AP4S1: variants seen among roughly 807,000 people sequenced by gnomAD.
AP4S1 encodes AP-4 complex subunit sigma-1.
In AP4S1, 23 loss-of-function variants were observed where a neutral mutation model predicts 19.8. The observed-to-expected ratio is 1.16, with a 90% CI of 0.84 to 1.65. The LOEUF (loss-of-function observed/expected upper bound fraction) is 1.65. Among genes scored for constraint, AP4S1 ranks in the 40% most tolerant of loss-of-function variants. The pLI is 0.00. For synonymous variants in AP4S1, 46 were observed against 54.1 expected (o/e 0.85, Z 0.66); for missense variants, 166 against 172.8 (o/e 0.96, Z 0.22).
intron 5 of AP4S1, chr14:31,084,834 A>G (rs772262664): frequency 6.8e-6 from 11 of 1,614,082 alleles, no homozygotes; most frequent in African/African-American, 1.3e-5. Context: ...GCTTTTCTCC[A>G]GACAGTTCAT....
chr14:31,087,206 T>G (rs1182386935), intron 5 of AP4S1, among the ~76,000 whole-genome samples: 1 of 152,068 alleles, frequency 6.6e-6, no homozygotes, highest in Non-Finnish European at 1.5e-5. Context: ...AACCTCACTT[T>G]TTAGATAAAA....
chr14:31,073,045 A>C, intron 4 of AP4S1, 72 bp downstream of exon 4: 1 of 1,273,220 alleles, frequency 7.9e-7, no homozygotes, highest in Non-Finnish European at 1.1e-6. Context: ...CTTTGGATCT[A>C]TATCAAGAAC....
Position 31,046,795 on chromosome 14 carries a change from G to A in AP4S1, c.-71-19331G>A, listed in dbSNP as rs141911479. Among the ~76,000 whole-genome samples the A allele has an allele frequency of 9.4e-4, 139 of 147,620 alleles. No homozygotes were observed. The East Asian group carries it at 0.016, about 17-fold the overall frequency. On this transcript the variant is annotated intron_variant, in intron 1 of 5. Coordinates refer to ENST00000542754, the MANE Select transcript of AP4S1 (RefSeq NM_001128126.3). ...CAGGAGGTGGAGCTTGCAGTGAGCCGAGATCGTACCACTGCACTCCAGCCT... is the reference window on the plus strand; with the variant it reads ...CAGGAGGTGGAGCTTGCAGTGAGCCAAGATCGTACCACTGCACTCCAGCCT...
At chr14:31,082,773 G>C (rs1003129968) in intron 5 of AP4S1, among the ~76,000 whole-genome samples, 4 of 152,112 alleles carry the variant, frequency 2.6e-5, no homozygotes, top group Non-Finnish European at 1.5e-5. Context: ...GCGGGCGCCT[G>C]TAGTCCCAGC....
chr14:31,085,629 A>G (rs1369898954), intron 5 of AP4S1: 2 of 755,972 alleles, frequency 2.6e-6, no homozygotes, highest in Non-Finnish European at 3.2e-6. Context: ...TTAAAAAGCC[A>G]GGCATTGGTG....
At chr14:31,044,075 T>A (rs1042356206) in intron 1 of AP4S1, among the ~76,000 whole-genome samples, 3 of 152,200 alleles carry the variant, frequency 2.0e-5, no homozygotes, top group Non-Finnish European at 4.4e-5. Context: ...ATAATTTAAC[T>A]CAATGTTTTT....
intron 2 of AP4S1, 59 bp downstream of exon 2, chr14:31,066,393 AT>A (rs1886719176): frequency 6.2e-7 from 1 of 1,605,388 alleles, no homozygotes; most frequent in African/African-American, 1.3e-5. Flanking sequence ...CAGATTTGTT[AT>A]TAGTGAGTCT....
intron 5 of AP4S1, among the ~76,000 whole-genome samples, chr14:31,091,664 C>G (rs1033004251): frequency 6.6e-6 from 1 of 151,916 alleles, no homozygotes; most frequent in Non-Finnish European, 1.5e-5. Flanking sequence ...AGTCATTCAC[C>G]ATTTGTCCTA....
At chr14:31,085,022 C>T in intron 5 of AP4S1, 1 of 1,487,160 alleles carries the variant, frequency 6.7e-7, no homozygotes, top group East Asian at 2.5e-5. Flanking sequence ...TTTAAAGAGG[C>T]CTAAGGACTT....
intron 1 of AP4S1, among the ~76,000 whole-genome samples, chr14:31,053,589 CTTTTTTTTTT>C (rs758966011): frequency 9.8e-5 from 7 of 71,174 alleles, no homozygotes; most frequent in South Asian, 1.4e-3. Flanking sequence ...TGACTTTTTT[CTTTTTTTTTT>C]TTTTTTTTTT....
At chr14:31,076,661 C>T (rs1887373804) in intron 4 of AP4S1, among the ~76,000 whole-genome samples, 1 of 152,272 alleles carries the variant, frequency 6.6e-6, no homozygotes, top group African/African-American at 2.4e-5. Context: ...GTTCTTTTCC[C>T]CCAATGAATT....
At chr14:31,033,632 C>G (rs1884546547) in intron 1 of AP4S1, among the ~76,000 whole-genome samples, 1 of 152,192 alleles carries the variant, frequency 6.6e-6, no homozygotes, top group Non-Finnish European at 1.5e-5. Context: ...GCATGTGTAA[C>G]AGAAAGGAGG....
At chr14:31,074,381 G>A (rs527711378) in intron 4 of AP4S1, among the ~76,000 whole-genome samples, 7 of 140,704 alleles carry the variant, frequency 5.0e-5, no homozygotes, top group Non-Finnish European at 1.1e-4. Context: ...AGCTGGGCGC[G>A]GTGGCTGACG....
chr14:31,032,090 A>AC (rs1407794873), intron 1 of AP4S1, among the ~76,000 whole-genome samples: 3 of 151,206 alleles, frequency 2.0e-5, no homozygotes, highest in Non-Finnish European at 4.4e-5. Context: ...AAAAAAAAAA[A>AC]AGAAAAAAGA....
intron 4 of AP4S1, among the ~76,000 whole-genome samples, chr14:31,079,324 A>G (rs574239075): frequency 4.0e-4 from 61 of 152,300 alleles, no homozygotes; most frequent in Admixed American, 9.2e-4. Flanking sequence ...GCATTTGTCT[A>G]AACCCATGGA....
intron 1 of AP4S1, among the ~76,000 whole-genome samples, chr14:31,053,395 T>C (rs1203266904): frequency 6.6e-6 from 1 of 151,864 alleles, no homozygotes; most frequent in Non-Finnish European, 1.5e-5. Flanking sequence ...AAAGGTCAAG[T>C]CCTGGAATAT....
intron 1 of AP4S1, among the ~76,000 whole-genome samples, chr14:31,031,825 T>C (rs1345431014): frequency 6.6e-6 from 1 of 152,232 alleles, no homozygotes; most frequent in East Asian, 1.9e-4. Context: ...ATCAGTCCTG[T>C]TCATGCCTCC....
intron 1 of AP4S1, among the ~76,000 whole-genome samples, chr14:31,046,327 C>G (rs1039140192): frequency 2.6e-5 from 4 of 152,126 alleles, no homozygotes; most frequent in Middle Eastern, 3.2e-3. Context: ...CACTAATCTA[C>G]TTTCTATCAC....
chr14:31,083,665 T>C (rs1334530156), intron 5 of AP4S1: 23 of 401,492 alleles, frequency 5.7e-5, no homozygotes, highest in South Asian at 3.9e-4. Flanking sequence ...ACACCATGCC[T>C]GGCTAATTTT....
Sources: allele counts gnomAD v4.1 joint callset (sites outside exome capture counted in the v4.1 genomes callset), GRCh38; gene constraint gnomAD v4.1.1; transcripts MANE v1.5; gene names NCBI Gene and HGNC (gene_info 2026-07-23, HGNC 2026-07-21).